Variants in CHRM3 observed in about 807,000 individuals in gnomAD.
The protein encoded by CHRM3 is muscarinic acetylcholine receptor M3.
Under a neutral mutation model 41.8 loss-of-function variants are expected in CHRM3, and 11 were observed. The observed-to-expected ratio is 0.26, with a 90% confidence interval of 0.17 to 0.44. The LOEUF (loss-of-function observed/expected upper bound fraction) is 0.44, where lower values mean the gene tolerates loss of function less well. Among genes scored for constraint, CHRM3 ranks in the 20% least tolerant of loss-of-function variants. The pLI is 1.00. For missense variants in CHRM3, 571 were observed against 745.4 expected (o/e 0.77, Z 2.72); for synonymous variants, 297 against 301.4 (o/e 0.99, Z 0.15).
At chr1:239,389,666 A>T (rs987435657) in intron 1 of CHRM3, among the ~76,000 whole-genome samples, 2 of 152,224 alleles carry the variant, frequency 1.3e-5, no homozygotes, top group African/African-American at 4.8e-5. Flanking sequence ...AAGTTAAACG[A>T]TATGGTTAAA....
intron 5 of CHRM3, among the ~76,000 whole-genome samples, chr1:239,752,084 G>GA (rs1361719839): frequency 7.9e-5 from 12 of 152,264 alleles, no homozygotes; most frequent in African/African-American, 2.4e-4. Flanking sequence ...CCAGGACAGT[G>GA]AGTTCATCTT....
intron 6 of CHRM3, among the ~76,000 whole-genome samples, chr1:239,883,174 G>C (rs1677789510): frequency 6.6e-6 from 1 of 152,020 alleles, no homozygotes; most frequent in African/African-American, 2.4e-5. Flanking sequence ...ACTCATCATC[G>C]TAAACGGTAA....
chr1:239,408,544 A>AC (rs1660818766), intron 1 of CHRM3, among the ~76,000 whole-genome samples: 4 of 149,506 alleles, frequency 2.7e-5, no homozygotes, highest in East Asian at 3.9e-4. Flanking sequence ...AAAAAAAAAA[A>AC]CTCTCTCCTT....
chr1:239,575,436 A>G lies in CHRM3; in HGVS notation c.-313+29687A>G, dbSNP rs562754020. 1.4e-3 allele frequency among the ~76,000 whole-genome samples: 218 copies of G among 152,292 alleles called. 1 individual carries two copies. The highest frequency in any genetic ancestry group is 4.9e-3 in the African/African-American group (202 of 41,556). On this transcript the variant is annotated intron_variant, in intron 3 of 6. Transcript: ENST00000676153. Reference sequence around the variant, plus strand: ...AGCTCAGGGACAACCCAAATAATTCATATTCTTTTATTGTTAATATCTTAC... The same window carrying G: ...AGCTCAGGGACAACCCAAATAATTCGTATTCTTTTATTGTTAATATCTTAC...
chr1:239,880,375 T>A (rs1448621851), intron 6 of CHRM3, among the ~76,000 whole-genome samples: 1 of 152,222 alleles, frequency 6.6e-6, no homozygotes, highest in Non-Finnish European at 1.5e-5. Flanking sequence ...CCCAAGTTCC[T>A]GAAAATACAA....
chr1:239,413,108 AT>A (rs1661234551), intron 1 of CHRM3, among the ~76,000 whole-genome samples: 1 of 148,974 alleles, frequency 6.7e-6, no homozygotes, highest in African/African-American at 2.5e-5. Context: ...AAAAAAAAAG[AT>A]AAATCAGAGC....
chr1:239,509,272 G>T (rs561697877), intron 2 of CHRM3, among the ~76,000 whole-genome samples: 54 of 152,296 alleles, frequency 3.5e-4, no homozygotes, highest in African/African-American at 1.2e-3. Context: ...ATATGTTACA[G>T]CAAGAACAGG....
chr1:239,863,731 C>T (rs1350716967), intron 6 of CHRM3, among the ~76,000 whole-genome samples: 1 of 150,408 alleles, frequency 6.6e-6, no homozygotes, highest in Admixed American at 6.6e-5. Context: ...GAGAAAGAAA[C>T]AAAGAAGAAA....
intron 1 of CHRM3, among the ~76,000 whole-genome samples, chr1:239,388,759 C>T (rs1454167362): frequency 2.6e-5 from 4 of 152,224 alleles, no homozygotes; most frequent in Non-Finnish European, 5.9e-5. Flanking sequence ...GTGCAAGGAA[C>T]ATGCCTGCTT....
chr1:239,520,951 C>G lies in CHRM3; in HGVS notation c.-421-24690C>G, dbSNP rs186684633. Among the ~76,000 whole-genome samples, 41 of 151,844 alleles carry G rather than the reference C, an allele frequency of 2.7e-4. No individual in the cohort carries two copies. In the East Asian group the frequency reaches 7.2e-3, roughly 27 times the overall value. On this transcript the variant is annotated intron_variant, in intron 2 of 6. Coordinates refer to ENST00000676153, the MANE Select transcript of CHRM3 (RefSeq NM_001375978.1). ...TAAAAATCCTCTCTCTTTGGAGTTA[C>G]ATAATTATAGAGCACAGAAAAAAAA...
chr1:239,878,843 TA>T (rs952003227), intron 6 of CHRM3, among the ~76,000 whole-genome samples: 1 of 152,038 alleles, frequency 6.6e-6, no homozygotes, highest in Non-Finnish European at 1.5e-5. Context: ...GGTCACTCTG[TA>T]ACTGCCTAGA....
chr1:239,660,365 A>G (rs1457260511), intron 4 of CHRM3, among the ~76,000 whole-genome samples: 1 of 151,900 alleles, frequency 6.6e-6, no homozygotes, highest in African/African-American at 2.4e-5. Context: ...GTATTATACG[A>G]TCTCCTCAGC....
At chr1:239,467,627 C>A (rs1665826508) in intron 1 of CHRM3, among the ~76,000 whole-genome samples, 1 of 152,088 alleles carries the variant, frequency 6.6e-6, no homozygotes, top group Non-Finnish European at 1.5e-5. Flanking sequence ...AAGTGATACA[C>A]AGATATTTAA....
chr1:239,525,745 G>A (rs1414316235), intron 2 of CHRM3, among the ~76,000 whole-genome samples: 1 of 152,188 alleles, frequency 6.6e-6, no homozygotes, highest in African/African-American at 2.4e-5. Context: ...TTGCAGTGAT[G>A]CATTTTTTCC....
At chr1:239,799,297 C>A (rs1035135022) in intron 5 of CHRM3, among the ~76,000 whole-genome samples, 6 of 151,944 alleles carry the variant, frequency 3.9e-5, no homozygotes, top group African/African-American at 1.5e-4. Flanking sequence ...TGAGACAGAG[C>A]CTGTGGGAAA....
chr1:239,451,041 C>G (rs1055932040), intron 1 of CHRM3, among the ~76,000 whole-genome samples: 1 of 152,002 alleles, frequency 6.6e-6, no homozygotes, highest in Admixed American at 6.5e-5. Context: ...GGCAACACAG[C>G]GAGACCCCTG....
intron 4 of CHRM3, among the ~76,000 whole-genome samples, chr1:239,643,603 T>C (rs562078004): frequency 6.6e-6 from 1 of 152,214 alleles, no homozygotes; most frequent in Non-Finnish European, 1.5e-5. Flanking sequence ...TGCTGTGCCC[T>C]TTTTTAAACC....
chr1:239,518,430 A>G (rs1669416187), intron 2 of CHRM3, among the ~76,000 whole-genome samples: 1 of 152,174 alleles, frequency 6.6e-6, no homozygotes, highest in African/African-American at 2.4e-5. Context: ...AGGCTCATTT[A>G]TTGGTTTCAG....
chr1:239,523,264 C>T (rs1443055291), intron 2 of CHRM3, among the ~76,000 whole-genome samples: 5 of 151,912 alleles, frequency 3.3e-5, no homozygotes, highest in South Asian at 2.1e-4. Flanking sequence ...TAATTTTCAA[C>T]GTGTCAAGTT....
Sources: gnomAD v4.1 joint callset for allele counts (sites outside exome capture counted in the v4.1 genomes callset) on GRCh38, gnomAD v4.1.1 for gene constraint, MANE v1.5 for transcripts, NCBI Gene and HGNC (gene_info 2026-07-23, HGNC 2026-07-21) for gene names.